The following NIBAN1 variants were observed in gnomAD, a reference collection of about 807,000 sequenced individuals.
The protein encoded by NIBAN1 is protein Niban 1.
NIBAN1 carries 81 observed loss-of-function variants against 75.1 expected under a neutral mutation model. The observed-to-expected ratio is 1.08, with a 90% CI of 0.90 to 1.30. NIBAN1 has a LOEUF of 1.30. Ranked by LOEUF, NIBAN1 falls within the 50% of genes most tolerant of loss-of-function variation. NIBAN1 has a pLI of 0.00. For synonymous variants in NIBAN1, 436 were observed against 424.8 expected (o/e 1.03, Z -0.32); for missense variants, 1,133 against 1,128.1 (o/e 1.00, Z -0.06).
chr1:184,890,008 T>C (rs947519638), intron 4 of NIBAN1, 100 bp downstream of exon 4: 4 of 902,924 alleles, frequency 4.4e-6, no homozygotes, highest in Non-Finnish European at 7.0e-6. Flanking sequence ...CTGCCAAATG[T>C]CCCTGGAGGG....
chr1:184,936,276 G>T (rs186374698), intron 1 of NIBAN1, among the ~76,000 whole-genome samples: 2 of 152,090 alleles, frequency 1.3e-5, no homozygotes, highest in African/African-American at 4.8e-5. Flanking sequence ...CACAGATTCC[G>T]GGAGTGTAGT....
chr1:184,886,978 G>A (rs754854093), intron 4 of NIBAN1, among the ~76,000 whole-genome samples: 13 of 152,100 alleles, frequency 8.5e-5, no homozygotes, highest in Middle Eastern at 3.4e-3. Context: ...AAAATTAGCC[G>A]GGAGTGGTGG....
chr1:184,923,462 T>C (rs1385250755), intron 1 of NIBAN1, among the ~76,000 whole-genome samples: 2 of 152,254 alleles, frequency 1.3e-5, no homozygotes, highest in South Asian at 2.1e-4. Flanking sequence ...TTTTGGTTAC[T>C]ATAGCTCTGT....
At chr1:184,900,927 A>G (rs1169769050) in intron 1 of NIBAN1, among the ~76,000 whole-genome samples, 3 of 152,236 alleles carry the variant, frequency 2.0e-5, no homozygotes, top group African/African-American at 7.2e-5. Context: ...ATTTGATATT[A>G]TAGTCAATAA....
chr1:184,929,663 T>C (rs1657772598), intron 1 of NIBAN1, among the ~76,000 whole-genome samples: 1 of 152,224 alleles, frequency 6.6e-6, no homozygotes, highest in Non-Finnish European at 1.5e-5. Flanking sequence ...AAAGTATGTC[T>C]TTTTTCCTCC....
At chr1:184,804,794 T>C (rs2102191328) in intron 11 of NIBAN1, among the ~76,000 whole-genome samples, 1 of 151,974 alleles carries the variant, frequency 6.6e-6, no homozygotes, top group East Asian at 1.9e-4. Flanking sequence ...GTTTTTTTGT[T>C]TTTTGTTTTT....
intron 5 of NIBAN1, among the ~76,000 whole-genome samples, chr1:184,869,721 T>C (rs1041801308): frequency 1.1e-4 from 17 of 152,070 alleles, no homozygotes; most frequent in African/African-American, 2.4e-4. Context: ...TTTGTATTTT[T>C]AGTAGAGATG....
chr1:184,925,560 T>C (rs1229490563), intron 1 of NIBAN1, among the ~76,000 whole-genome samples: 2 of 152,134 alleles, frequency 1.3e-5, no homozygotes, highest in Admixed American at 1.3e-4. Flanking sequence ...TTCTTTATTT[T>C]TATTTTTTTG....
intron 1 of NIBAN1, among the ~76,000 whole-genome samples, chr1:184,942,473 C>T (rs181216041): frequency 1.3e-5 from 2 of 152,324 alleles, no homozygotes; most frequent in East Asian, 1.9e-4. Context: ...GCTGGCGGAT[C>T]ACGAGGTCAG....
intron 1 of NIBAN1, among the ~76,000 whole-genome samples, chr1:184,938,152 T>C (rs1029084831): frequency 6.6e-6 from 1 of 152,158 alleles, no homozygotes; most frequent in Admixed American, 6.5e-5. Flanking sequence ...TTTGCACAGA[T>C]ATGTCAAGAA....
chr1:184,961,876 C>G (rs73054660), intron 1 of NIBAN1, among the ~76,000 whole-genome samples: 1 of 152,188 alleles, frequency 6.6e-6, no homozygotes, highest in East Asian at 1.9e-4. Context: ...CATTGCTGTG[C>G]GTAAGAATTT....
intron 10 of NIBAN1, 45 bp from the exon 11 acceptor site, chr1:184,806,101 G>A: frequency 7.2e-6 from 11 of 1,524,402 alleles, no homozygotes; most frequent in Non-Finnish European, 8.2e-6. Flanking sequence ...GTCAGGGGCT[G>A]GGATCACCAC....
In NIBAN1 at chr1:184,890,151, A is replaced by T; in HGVS notation, c.390T>A (p.Asp130Glu). 1.2e-6 allele frequency: 2 copies of T among 1,613,924 alleles called. No individual in the cohort carries two copies. Among genetic ancestry groups the T allele is most frequent in the Non-Finnish European group, 1.7e-6 (2 of 1,179,860 alleles). ...GCCTGTCAGACAACAGATTATATTC[A>T]TCTTCTGAGGTTAACACCTTGCCAC... ...PAGGKVLTSE[D>E]EYNLLSDRHF... Residue 130 changes from aspartate (D) to glutamate (E), a missense_variant, in exon 4 of 14, where the codon GAT becomes GAA. Transcript: ENST00000367511.
chr1:184,838,319 A>G (rs1167051091), intron 5 of NIBAN1, among the ~76,000 whole-genome samples: 3 of 152,180 alleles, frequency 2.0e-5, no homozygotes, highest in Non-Finnish European at 4.4e-5. Flanking sequence ...TGAGTCTCTT[A>G]TACCACAGTA....
intron 5 of NIBAN1, among the ~76,000 whole-genome samples, chr1:184,852,289 G>C (rs944382317): frequency 2.0e-5 from 3 of 152,200 alleles, no homozygotes; most frequent in Non-Finnish European, 4.4e-5. Context: ...GGTTTGTCAC[G>C]AATGTCCTTG....
At chr1:184,900,621 C>A (rs1251465833) in intron 1 of NIBAN1, among the ~76,000 whole-genome samples, 1 of 152,052 alleles carries the variant, frequency 6.6e-6, no homozygotes, top group African/African-American at 2.4e-5. Flanking sequence ...AACATTCTTG[C>A]CTTTCCAATC....
intron 5 of NIBAN1, chr1:184,867,873 G>A (rs1655998903): frequency 1.0e-6 from 1 of 985,326 alleles, no homozygotes; most frequent in Non-Finnish European, 1.2e-6. Flanking sequence ...CCTTAATAGA[G>A]GCTCTTTTGT....
chr1:184,910,565 T>A (rs182232537), intron 1 of NIBAN1, among the ~76,000 whole-genome samples: 81 of 152,318 alleles, frequency 5.3e-4, no homozygotes, highest in African/African-American at 1.9e-3. Flanking sequence ...AGCACTTTTT[T>A]AAATTAATAA....
chr1:184,811,485 T>C (rs1007761893), intron 9 of NIBAN1, among the ~76,000 whole-genome samples: 8 of 151,416 alleles, frequency 5.3e-5, no homozygotes, highest in Non-Finnish European at 1.5e-5. Flanking sequence ...CAACAATGCA[T>C]TGAGGTACTT....
Sources: gnomAD v4.1 joint callset for allele counts (sites outside exome capture counted in the v4.1 genomes callset) on GRCh38, gnomAD v4.1.1 for gene constraint, MANE v1.5 for transcripts, NCBI Gene and HGNC (gene_info 2026-07-23, HGNC 2026-07-21) for gene names.